The following MCCC1 variants were observed in gnomAD, a reference collection of about 807,000 sequenced individuals.
The protein encoded by MCCC1 is methylcrotonoyl-CoA carboxylase subunit alpha, mitochondrial.
MCCC1 carries 64 observed loss-of-function variants against 83.8 expected under a neutral mutation model. That is an observed-to-expected ratio of 0.76 (90% CI 0.62 to 0.94). The LOEUF (loss-of-function observed/expected upper bound fraction) is 0.94. MCCC1 is among the 40% of genes least tolerant of loss of function. The pLI is 0.00. For missense variants in MCCC1, 807 were observed against 904.7 expected (o/e 0.89, Z 1.39); for synonymous variants, 322 against 315.4 (o/e 1.02, Z -0.22).
chr3:183,042,085 C>T, intron 10 of MCCC1, among the ~76,000 whole-genome samples: 1 of 152,144 alleles, frequency 6.6e-6, no homozygotes, highest in East Asian at 1.9e-4. Flanking sequence ...TCTCAGTTTT[C>T]ATTTAAAACA....
intron 2 of MCCC1, 81 bp downstream of exon 2, chr3:183,094,478 A>AT: frequency 7.5e-7 from 1 of 1,327,288 alleles, no homozygotes; most frequent in Non-Finnish European, 1.1e-6. Flanking sequence ...TTATGCATAT[A>AT]TTAAGGGATT....
Position 183,094,609 on chromosome 3 carries a change from T to C in MCCC1, c.90-4A>G. 6.2e-7 allele frequency: 1 copy of C among 1,613,616 alleles called. No individual in the cohort carries two copies. Among genetic ancestry groups the C allele is most frequent in the Non-Finnish European group, 8.5e-7 (1 of 1,179,512 alleles). On this transcript the variant is annotated splice_region_variant and splice_polypyrimidine_tract_variant and intron_variant, in intron 1 of 18. Coordinates refer to ENST00000265594, the MANE Select transcript of MCCC1 (RefSeq NM_020166.5). Reference sequence around the variant, plus strand: ...TCTTTGCCTCCACACCCATGTCCTATAACATAAATCCAAAAGGAATTACAA... The same window carrying C: ...TCTTTGCCTCCACACCCATGTCCTACAACATAAATCCAAAAGGAATTACAA...
At chr3:183,077,348 T>A (rs1717152983) in intron 4 of MCCC1, among the ~76,000 whole-genome samples, 1 of 152,218 alleles carries the variant, frequency 6.6e-6, no homozygotes, top group Non-Finnish European at 1.5e-5. Flanking sequence ...CCAGTTTACA[T>A]TCCCATCAGT....
At chr3:183,056,892 T>A (rs1715460010) in intron 8 of MCCC1, among the ~76,000 whole-genome samples, 1 of 152,126 alleles carries the variant, frequency 6.6e-6, no homozygotes, top group African/African-American at 2.4e-5. Flanking sequence ...TGGGGGTTTC[T>A]CCATGTGGGT....
At chr3:183,033,341 T>C (rs1275751883) in intron 14 of MCCC1, among the ~76,000 whole-genome samples, 3 of 152,084 alleles carry the variant, frequency 2.0e-5, no homozygotes, top group Non-Finnish European at 2.9e-5. Context: ...TCACAAAGAG[T>C]AGGTGTGAAT....
At chr3:183,038,902 T>C in intron 12 of MCCC1, 124 bp downstream of exon 12, 1 of 868,882 alleles carries the variant, frequency 1.2e-6, no homozygotes, top group Non-Finnish European at 1.9e-6. Flanking sequence ...GAAACTATTT[T>C]GTTTGGGCAA....
chr3:183,070,063 G>C (rs1479118748), intron 7 of MCCC1, among the ~76,000 whole-genome samples: 1 of 152,120 alleles, frequency 6.6e-6, no homozygotes, highest in African/African-American at 2.4e-5. Context: ...TACCTAATGA[G>C]GTTGTTGTAA....
chr3:183,107,509 T>TTTA (rs199825914), intron 1 of MCCC1, among the ~76,000 whole-genome samples: 2,990 of 150,668 alleles, frequency 0.02, 69 homozygotes, highest in African/African-American at 0.053. Context: ...CTGTTTTGTT[T>TTTA]TTATTATTAT....
At chr3:183,027,523 T>G (rs1472452649) in intron 14 of MCCC1, among the ~76,000 whole-genome samples, 1 of 151,988 alleles carries the variant, frequency 6.6e-6, no homozygotes, top group Non-Finnish European at 1.5e-5. Context: ...GATAAAAAGG[T>G]GAAATAGCTG....
rs202092414 is a variant in MCCC1 at position 183,037,295 on chromosome 3, T to G, written c.1517A>C (p.Glu506Ala). 3.7e-6 allele frequency: 6 copies of G among 1,614,146 alleles called. No individual in the cohort carries two copies. The highest frequency in any genetic ancestry group is 1.3e-5 in the African/African-American group (1 of 75,030). The change falls in exon 13 of 19, where the codon GAG (glutamate) becomes GCG (alanine). Residue 506 changes from glutamate (E) to alanine (A), a missense_variant. Coordinates refer to ENST00000265594, the MANE Select transcript of MCCC1 (RefSeq NM_020166.5). ...LLLSRKAAAK[E>A]SLCQAALGLI... ...ACCCAGGGCTGCCTGGCATAAAGAC[T>G]CTTTGGCTGCAGCCTTCCGACTGAG...
At chr3:183,113,222 C>CAAA (rs35441023) in intron 1 of MCCC1, among the ~76,000 whole-genome samples, 2 of 105,148 alleles carry the variant, frequency 1.9e-5, no homozygotes, top group Non-Finnish European at 2.0e-5. Flanking sequence ...GACTCCATCT[C>CAAA]AAAAAAAAAA....
chr3:183,062,355 T>G (rs918718737), intron 7 of MCCC1, among the ~76,000 whole-genome samples: 5 of 125,606 alleles, frequency 4.0e-5, no homozygotes, highest in African/African-American at 1.7e-4. Context: ...TTTCAGTTTT[T>G]TTTTTTTTTT....
intron 2 of MCCC1, among the ~76,000 whole-genome samples, chr3:183,094,205 C>T (rs1039045700): frequency 2.6e-5 from 4 of 151,920 alleles, no homozygotes; most frequent in Admixed American, 6.6e-5. Context: ...CCCGCCACCA[C>T]GCCCAGCTAA....
intron 1 of MCCC1, among the ~76,000 whole-genome samples, chr3:183,115,288 T>G (rs542504724): frequency 5.3e-5 from 8 of 152,350 alleles, no homozygotes; most frequent in African/African-American, 1.7e-4. Flanking sequence ...TGCTTAGAAT[T>G]GGCTATCATT....
chr3:183,052,041 G>A, intron 9 of MCCC1, 118 bp downstream of exon 9: 1 of 863,174 alleles, frequency 1.2e-6, no homozygotes. Context: ...ATTTCTTACT[G>A]TGAATATGGT....
Position 183,020,110 on chromosome 3 carries a change from T to C in MCCC1, c.1977+20A>G, listed in dbSNP as rs1712025888. ...TATTAAAACTTACTGAACATCATTCTACAGATGTCATGTGATTACCTTTTC... is the reference window on the plus strand; with the variant it reads ...TATTAAAACTTACTGAACATCATTCCACAGATGTCATGTGATTACCTTTTC... On this transcript the variant is annotated intron_variant, in intron 17 of 18. Transcript: ENST00000265594. 1 of 1,567,170 alleles carries C rather than the reference T, an allele frequency of 6.4e-7. No individual in the cohort carries two copies. The highest frequency in any genetic ancestry group is 8.8e-7 in the Non-Finnish European group (1 of 1,137,342).
In MCCC1 at chr3:183,091,769, A is replaced by G. The variant is rs111789812; in HGVS notation, c.273+640T>C. On this transcript the variant is annotated intron_variant, in intron 3 of 18. Transcript: ENST00000265594. ...AGAATAGAGCCTGGATTGGCTAGGC[A>G]CGGTGGCTCACGCCTGTTTGGCACT... is the stretch of plus-strand genomic sequence containing the variant. Among the ~76,000 whole-genome samples the G allele has an allele frequency of 6.6e-3, 1,003 of 151,590 alleles. 12 individuals are homozygous for G. The highest frequency in any genetic ancestry group is 0.022 in the African/African-American group (907 of 41,370).
intron 8 of MCCC1, among the ~76,000 whole-genome samples, chr3:183,055,341 C>T (rs896664553): frequency 6.6e-5 from 10 of 151,756 alleles, no homozygotes; most frequent in Admixed American, 5.9e-4. Flanking sequence ...ACCCGCGAGG[C>T]GGAGGATGCA....
At chr3:183,098,585 T>G (rs918038031) in intron 1 of MCCC1, 2 of 152,240 alleles carry the variant, frequency 1.3e-5, no homozygotes, top group Non-Finnish European at 2.9e-5. Context: ...TCCAGAATGA[T>G]GAAGGATGAT....
Sources: allele counts gnomAD v4.1 joint callset (sites outside exome capture counted in the v4.1 genomes callset), GRCh38; gene constraint gnomAD v4.1.1; transcripts MANE v1.5; gene names NCBI Gene and HGNC (gene_info 2026-07-23, HGNC 2026-07-21).